STT3B: variants seen among roughly 807,000 people sequenced by gnomAD.
STT3B encodes dolichyl-diphosphooligosaccharide--protein glycosyltransferase subunit STT3B.
Under a neutral mutation model 96.8 loss-of-function variants are expected in STT3B, and 29 were observed. That is an observed-to-expected ratio of 0.30 (90% confidence interval 0.22 to 0.41). STT3B has a LOEUF of 0.41. STT3B is among the 10% of genes least tolerant of loss of function. The pLI, the probability that STT3B is intolerant of heterozygous loss-of-function variation, is 1.00. For synonymous variants in STT3B, 367 were observed against 360.0 expected (o/e 1.02, Z -0.22); for missense variants, 640 against 1,022.3 (o/e 0.63, Z 5.10).
At chr3:31,578,313 C>G (rs1309262426) in intron 2 of STT3B, among the ~76,000 whole-genome samples, 1 of 152,122 alleles carries the variant, frequency 6.6e-6, no homozygotes, top group Admixed American at 6.6e-5. Context: ...TTTTTCTTCT[C>G]TCCTGTGGGC....
intron 8 of STT3B, among the ~76,000 whole-genome samples, chr3:31,619,442 C>T (rs575072724): frequency 3.3e-5 from 5 of 152,158 alleles, no homozygotes; most frequent in Non-Finnish European, 7.4e-5. Flanking sequence ...CCAACATTCT[C>T]ATGTCTGGAT....
chr3:31,586,460 T>C (rs1559376065), intron 3 of STT3B, among the ~76,000 whole-genome samples: 1 of 152,152 alleles, frequency 6.6e-6, no homozygotes, highest in African/African-American at 2.4e-5. Flanking sequence ...CTCTAAGAGA[T>C]CTTTGCCTAC....
chr3:31,589,645 T>G (rs562147577), intron 3 of STT3B, among the ~76,000 whole-genome samples: 1 of 152,106 alleles, frequency 6.6e-6, no homozygotes, highest in South Asian at 2.1e-4. Context: ...ATAACTTCAT[T>G]GTACATTTTT....
chr3:31,565,546 A>T (rs1470507644), intron 1 of STT3B, among the ~76,000 whole-genome samples: 3 of 152,236 alleles, frequency 2.0e-5, no homozygotes, highest in African/African-American at 7.2e-5. Flanking sequence ...GAGTTCAGTT[A>T]TCTGAAGATT....
At chr3:31,600,946 A>G (rs1398508315) in intron 5 of STT3B, among the ~76,000 whole-genome samples, 1 of 152,128 alleles carries the variant, frequency 6.6e-6, no homozygotes, top group Non-Finnish European at 1.5e-5. Flanking sequence ...TTAGCGGTAG[A>G]TGATGTTTCA....
chr3:31,618,746 A>T (rs1486028473), intron 8 of STT3B, among the ~76,000 whole-genome samples: 1 of 152,094 alleles, frequency 6.6e-6, no homozygotes, highest in East Asian at 1.9e-4. Context: ...ACTGGAACTA[A>T]CAATTAGACA....
chr3:31,580,499 C>G (rs904959815), intron 3 of STT3B, among the ~76,000 whole-genome samples: 4 of 151,850 alleles, frequency 2.6e-5, no homozygotes, highest in African/African-American at 9.7e-5. Flanking sequence ...GATTTTTTCC[C>G]CTGTGTATGA....
intron 3 of STT3B, among the ~76,000 whole-genome samples, chr3:31,595,349 C>T (rs1355839230): frequency 6.6e-6 from 1 of 152,184 alleles, no homozygotes; most frequent in Non-Finnish European, 1.5e-5. Context: ...CCTAACTTTT[C>T]TCCTAAAGTC....
At chr3:31,538,863 C>T (rs559010762) in intron 1 of STT3B, among the ~76,000 whole-genome samples, 2 of 152,116 alleles carry the variant, frequency 1.3e-5, no homozygotes, top group South Asian at 2.1e-4. Context: ...TTCTGTTGTC[C>T]TCTTCTTACC....
At chr3:31,613,844 A>G (rs905436771) in intron 5 of STT3B, among the ~76,000 whole-genome samples, 1 of 151,940 alleles carries the variant, frequency 6.6e-6, no homozygotes, top group Admixed American at 6.6e-5. Flanking sequence ...CCATTCCAAC[A>G]TTAATGTGTT....
chr3:31,612,316 G>C (rs1170507250), intron 5 of STT3B, among the ~76,000 whole-genome samples: 1 of 152,150 alleles, frequency 6.6e-6, no homozygotes, highest in Non-Finnish European at 1.5e-5. Flanking sequence ...CAAAAAATGT[G>C]AAAAATAGGT....
intron 15 of STT3B, among the ~76,000 whole-genome samples, chr3:31,635,567 C>CT (rs1332965829): frequency 2.6e-5 from 4 of 152,106 alleles, no homozygotes; most frequent in South Asian, 2.1e-4. Context: ...AACAGGGACT[C>CT]TAAGAGTTAC....
chr3:31,573,476 T>C (rs1356246803), intron 1 of STT3B, among the ~76,000 whole-genome samples: 2 of 152,142 alleles, frequency 1.3e-5, no homozygotes, highest in Non-Finnish European at 2.9e-5. Context: ...TATACAGATT[T>C]CAGAGATATT....
intron 1 of STT3B, among the ~76,000 whole-genome samples, chr3:31,567,054 G>A (rs1698022785): frequency 6.6e-6 from 1 of 152,190 alleles, no homozygotes; most frequent in South Asian, 2.1e-4. Flanking sequence ...AAGCTGTGCT[G>A]TCAAACTGTC....
chr3:31,614,891 C>T (rs1337794035), intron 5 of STT3B, among the ~76,000 whole-genome samples: 1 of 151,822 alleles, frequency 6.6e-6, no homozygotes, highest in African/African-American at 2.4e-5. Context: ...TAATGATCTG[C>T]AAAATATAGT....
At chr3:31,594,328 C>G (rs935845288) in intron 3 of STT3B, among the ~76,000 whole-genome samples, 20 of 152,072 alleles carry the variant, frequency 1.3e-4, no homozygotes, top group Non-Finnish European at 2.4e-4. Flanking sequence ...GAGGGCCTGT[C>G]CCCAAGACAC....
At chr3:31,581,413 A>G (rs1698380790) in intron 3 of STT3B, among the ~76,000 whole-genome samples, 1 of 152,206 alleles carries the variant, frequency 6.6e-6, no homozygotes, top group Non-Finnish European at 1.5e-5. Context: ...ATACTTTATA[A>G]TAAATTTAAA....
chr3:31,540,776 C>T (rs1339058993), intron 1 of STT3B, among the ~76,000 whole-genome samples: 1 of 151,978 alleles, frequency 6.6e-6, no homozygotes, highest in Non-Finnish European at 1.5e-5. Flanking sequence ...TGTGATTTTT[C>T]AAAATTCTAG....
At chr3:31,605,362 ATG>A in intron 5 of STT3B, among the ~76,000 whole-genome samples, 1 of 152,250 alleles carries the variant, frequency 6.6e-6, no homozygotes, top group South Asian at 2.1e-4. Flanking sequence ...TTGATAATAA[ATG>A]TTGATATGGT....
Sources: gnomAD v4.1 joint callset for allele counts (sites outside exome capture counted in the v4.1 genomes callset) on GRCh38, gnomAD v4.1.1 for gene constraint, MANE v1.5 for transcripts, NCBI Gene and HGNC (gene_info 2026-07-23, HGNC 2026-07-21) for gene names.